The following LSAMP variants were observed in gnomAD, a reference collection of about 807,000 sequenced individuals.
LSAMP encodes limbic system associated membrane protein.
In LSAMP, 7 loss-of-function variants were observed where a neutral mutation model predicts 38.6. That is an observed-to-expected ratio of 0.18 (90% CI 0.10 to 0.34). The LOEUF (loss-of-function observed/expected upper bound fraction) is 0.34, where lower values mean the gene tolerates loss of function less well. Ranked by LOEUF, LSAMP falls within the 10% of genes least tolerant of loss-of-function variation. LSAMP has a pLI of 1.00. For missense variants in LSAMP, 313 were observed against 420.0 expected (o/e 0.75, Z 2.23); for synonymous variants, 154 against 166.8 (o/e 0.92, Z 0.59).
At chr3:116,307,141 A>G (rs2047494858) in intron 1 of LSAMP, among the ~76,000 whole-genome samples, 1 of 152,032 alleles carries the variant, frequency 6.6e-6, no homozygotes, top group Non-Finnish European at 1.5e-5. Flanking sequence ...AAAAAGTTTC[A>G]CATTTTAACC....
chr3:116,374,287 G>A (rs747186284), intron 1 of LSAMP, among the ~76,000 whole-genome samples: 8 of 151,894 alleles, frequency 5.3e-5, no homozygotes, highest in South Asian at 4.1e-4. Flanking sequence ...AATACAAGAA[G>A]AAGGTGTTCT....
At chr3:116,267,985 A>T (rs142957692) in intron 1 of LSAMP, among the ~76,000 whole-genome samples, 3 of 152,136 alleles carry the variant, frequency 2.0e-5, no homozygotes, top group African/African-American at 7.2e-5. Flanking sequence ...TGAAAGCAAC[A>T]CATTCAAGAT....
intron 1 of LSAMP, among the ~76,000 whole-genome samples, chr3:116,283,444 A>C (rs960989545): frequency 1.3e-5 from 2 of 152,104 alleles, no homozygotes. Context: ...AGAGGAAAAA[A>C]CTATTGACTA....
intron 1 of LSAMP, among the ~76,000 whole-genome samples, chr3:116,382,760 C>G (rs898808068): frequency 6.6e-6 from 1 of 151,980 alleles, no homozygotes; most frequent in Non-Finnish European, 1.5e-5. Flanking sequence ...TTAAAGTCCC[C>G]GAGTTTGTTA....
At chr3:115,999,618 C>T (rs1211594344) in intron 3 of LSAMP, among the ~76,000 whole-genome samples, 1 of 152,170 alleles carries the variant, frequency 6.6e-6, no homozygotes, top group African/African-American at 2.4e-5. Flanking sequence ...AAACCTTGGA[C>T]ATGTGAAGGA....
At chr3:116,049,699 TTA>T (rs1289094521) in intron 2 of LSAMP, among the ~76,000 whole-genome samples, 1 of 152,196 alleles carries the variant, frequency 6.6e-6, no homozygotes, top group African/African-American at 2.4e-5. Flanking sequence ...AGTTCTGGAT[TTA>T]TAAGAATCTA....
At chr3:115,906,344 T>G (rs1378150984) in intron 3 of LSAMP, among the ~76,000 whole-genome samples, 1 of 152,154 alleles carries the variant, frequency 6.6e-6, no homozygotes, top group Non-Finnish European at 1.5e-5. Flanking sequence ...TCTTTTTTAT[T>G]GTTTTTGCAT....
intron 1 of LSAMP, among the ~76,000 whole-genome samples, chr3:116,160,700 T>A (rs1709869184): frequency 6.6e-6 from 1 of 152,158 alleles, no homozygotes. Flanking sequence ...TGGAATATAT[T>A]TGGCAACACT....
intron 1 of LSAMP, among the ~76,000 whole-genome samples, chr3:116,439,930 C>T (rs1260341334): frequency 6.6e-6 from 1 of 152,176 alleles, no homozygotes; most frequent in African/African-American, 2.4e-5. Context: ...ACCATGTTGG[C>T]CAGGATGATC....
intron 3 of LSAMP, among the ~76,000 whole-genome samples, chr3:116,015,138 G>T (rs1337903068): frequency 6.6e-6 from 1 of 152,140 alleles, no homozygotes; most frequent in Non-Finnish European, 1.5e-5. Context: ...CTGGTTTGTG[G>T]CTGAAAAAGA....
intron 1 of LSAMP, among the ~76,000 whole-genome samples, chr3:116,304,086 G>C (rs562937110): frequency 6.6e-6 from 1 of 152,194 alleles, no homozygotes; most frequent in South Asian, 2.1e-4. Context: ...ACTCAACTTG[G>C]TCTGCTTACT....
At chr3:116,116,200 C>T (rs1708741753) in intron 1 of LSAMP, among the ~76,000 whole-genome samples, 1 of 150,654 alleles carries the variant, frequency 6.6e-6, no homozygotes, top group South Asian at 2.1e-4. Flanking sequence ...TTACTACCGT[C>T]ATGTTTGTAA....
chr3:115,970,139 G>A (rs1938967169), intron 3 of LSAMP, among the ~76,000 whole-genome samples: 1 of 152,040 alleles, frequency 6.6e-6, no homozygotes, highest in Admixed American at 6.6e-5. Context: ...GGCAGGAAGG[G>A]GAGAAAAAGA....
At chr3:116,376,984 T>C (rs1383998079) in intron 1 of LSAMP, among the ~76,000 whole-genome samples, 1 of 152,104 alleles carries the variant, frequency 6.6e-6, no homozygotes, top group Non-Finnish European at 1.5e-5. Context: ...ATACCCTCTC[T>C]TTTATTTCCC....
chr3:115,833,720 A>AT (rs976143004), intron 6 of LSAMP, among the ~76,000 whole-genome samples: 4 of 151,804 alleles, frequency 2.6e-5, no homozygotes, highest in Non-Finnish European at 4.4e-5. Flanking sequence ...AATTGGATTT[A>AT]TTTTTTCCAC....
chr3:116,285,343 A>C (rs2047181078), intron 1 of LSAMP, among the ~76,000 whole-genome samples: 1 of 151,734 alleles, frequency 6.6e-6, no homozygotes. Flanking sequence ...CTCCCACCAG[A>C]CTCTGTCTCC....
intron 3 of LSAMP, among the ~76,000 whole-genome samples, chr3:115,983,213 C>T (rs946931128): frequency 6.6e-6 from 1 of 152,036 alleles, no homozygotes; most frequent in African/African-American, 2.4e-5. Context: ...GGTATTTAGC[C>T]TTGTCTATAA....
At chr3:116,363,783 C>A (rs1380018554) in intron 1 of LSAMP, among the ~76,000 whole-genome samples, 3 of 149,946 alleles carry the variant, frequency 2.0e-5, no homozygotes, top group Admixed American at 1.3e-4. Flanking sequence ...TCAATAGATG[C>A]AGAAAAGGCC....
intron 3 of LSAMP, among the ~76,000 whole-genome samples, chr3:115,900,397 C>T (rs751085467): frequency 4.0e-5 from 6 of 151,678 alleles, no homozygotes; most frequent in East Asian, 1.9e-4. Context: ...TGCCTGCAAT[C>T]CCTAGCTACT....
Sources: gnomAD v4.1 joint callset for allele counts (sites outside exome capture counted in the v4.1 genomes callset) on GRCh38, gnomAD v4.1.1 for gene constraint, MANE v1.5 for transcripts, NCBI Gene and HGNC (gene_info 2026-07-23, HGNC 2026-07-21) for gene names.